The following SPMIP2 variants were observed in gnomAD, a reference collection of about 807,000 sequenced individuals.
SPMIP2 encodes protein SPMIP2.
At chr4:158,930,361 C>T in the SPMIP2 span, among the ~76,000 whole-genome samples, 1 of 152,076 alleles carries the variant, frequency 6.6e-6, no homozygotes, top group Non-Finnish European at 1.5e-5. Context: ...TACAGGTGCA[C>T]ACGACTTTGC....
At chr4:159,000,778 T>C in the SPMIP2 span, among the ~76,000 whole-genome samples, 1 of 145,194 alleles carries the variant, frequency 6.9e-6, no homozygotes, top group Non-Finnish European at 1.5e-5. Context: ...GAGCCACCGG[T>C]GCCTGGCTTG....
chr4:159,074,002 C>CT, the SPMIP2 span, among the ~76,000 whole-genome samples: 1 of 151,988 alleles, frequency 6.6e-6, no homozygotes, highest in Non-Finnish European at 1.5e-5. Context: ...GAGACTCTGT[C>CT]TCAAAAAACA....
chr4:158,924,382 T>G, the SPMIP2 span, among the ~76,000 whole-genome samples: 1 of 152,212 alleles, frequency 6.6e-6, no homozygotes, highest in South Asian at 2.1e-4. Context: ...GGTTTTTGTT[T>G]GTTTTTTGTT....
the SPMIP2 span, among the ~76,000 whole-genome samples, chr4:158,938,912 T>C: frequency 6.6e-6 from 1 of 152,208 alleles, no homozygotes; most frequent in Non-Finnish European, 1.5e-5. Context: ...TATTAGATCA[T>C]CTAGGGTCAT....
At chr4:158,939,322 T>C in the SPMIP2 span, among the ~76,000 whole-genome samples, 1 of 152,194 alleles carries the variant, frequency 6.6e-6, no homozygotes, top group Admixed American at 6.5e-5. Context: ...CAAAATAGTA[T>C]AAAGATCCAT....
the SPMIP2 span, among the ~76,000 whole-genome samples, chr4:158,910,291 G>C: frequency 7.1e-6 from 1 of 141,420 alleles, no homozygotes; most frequent in South Asian, 2.2e-4. Context: ...CTTTTTTTTT[G>C]AGATGGAGTT....
At chr4:159,051,030 C>G in the SPMIP2 span, among the ~76,000 whole-genome samples, 5 of 151,580 alleles carry the variant, frequency 3.3e-5, no homozygotes. Flanking sequence ...TCACCTGAAC[C>G]CAGGAGGCAG....
At chr4:158,995,855 C>CAA in the SPMIP2 span, among the ~76,000 whole-genome samples, 911 of 70,140 alleles carry the variant, frequency 0.013, 14 homozygotes, top group African/African-American at 0.039. Flanking sequence ...GACTCCATCT[C>CAA]AAAAAAAAAA....
the SPMIP2 span, among the ~76,000 whole-genome samples, chr4:159,082,432 A>G: frequency 6.9e-6 from 1 of 144,410 alleles, no homozygotes; most frequent in Non-Finnish European, 1.5e-5. Context: ...ATCTAAATCT[A>G]ACAATTCCAC....
chr4:159,066,527 T>A, the SPMIP2 span, among the ~76,000 whole-genome samples: 1 of 151,664 alleles, frequency 6.6e-6, no homozygotes, highest in South Asian at 2.1e-4. Context: ...TATATATGTA[T>A]GTATGTATAC....
At chr4:159,010,764 A>T in the SPMIP2 span, among the ~76,000 whole-genome samples, 6 of 152,114 alleles carry the variant, frequency 3.9e-5, no homozygotes, top group African/African-American at 1.2e-4. Flanking sequence ...CTCCGGGCAC[A>T]TCTCCAGTCT....
At chr4:158,948,608 A>G in the SPMIP2 span, among the ~76,000 whole-genome samples, 2 of 146,260 alleles carry the variant, frequency 1.4e-5, no homozygotes, top group South Asian at 2.1e-4. Flanking sequence ...TTTTTTTTCA[A>G]TTCACATTTG....
chr4:158,937,690 CACTG>C, the SPMIP2 span: 3 of 154,048 alleles, frequency 1.9e-5, no homozygotes, highest in Non-Finnish European at 2.9e-5. Context: ...ACTGAGCACA[CACTG>C]ACTATGTGTT....
chr4:158,905,213 A>AG, the SPMIP2 span: 5 of 152,428 alleles, frequency 3.3e-5, no homozygotes, highest in African/African-American at 1.2e-4. Context: ...AGCCATGGGT[A>AG]GGTCAGAGAT....
At chr4:159,006,935 C>T in the SPMIP2 span, among the ~76,000 whole-genome samples, 1 of 152,160 alleles carries the variant, frequency 6.6e-6, no homozygotes, top group Non-Finnish European at 1.5e-5. Context: ...TAGGATTGGT[C>T]AAGTTATTAC....
chr4:158,948,985 C>A, the SPMIP2 span, among the ~76,000 whole-genome samples: 4 of 152,072 alleles, frequency 2.6e-5, no homozygotes, highest in East Asian at 3.8e-4. Flanking sequence ...TTTTCTCTGA[C>A]CTTTTTCTGA....
At chr4:159,057,760 T>C in the SPMIP2 span, among the ~76,000 whole-genome samples, 1 of 151,008 alleles carries the variant, frequency 6.6e-6, no homozygotes, top group Non-Finnish European at 1.5e-5. Flanking sequence ...ATTTATAAAG[T>C]AATGTTATAC....
the SPMIP2 span, among the ~76,000 whole-genome samples, chr4:158,933,538 G>C: frequency 1.3e-5 from 2 of 152,022 alleles, no homozygotes; most frequent in Non-Finnish European, 2.9e-5. Context: ...CATTGTAATG[G>C]TTCTTACCCC....
the SPMIP2 span, among the ~76,000 whole-genome samples, chr4:158,975,168 A>AGTTT: frequency 2.5e-5 from 2 of 79,004 alleles, no homozygotes; most frequent in South Asian, 8.2e-4. Flanking sequence ...TTTTCTTGTG[A>AGTTT]CTTTAAGTTC....
Sources: gnomAD v4.1 joint callset for allele counts (sites outside exome capture counted in the v4.1 genomes callset) on GRCh38, gnomAD v4.1.1 for gene constraint, MANE v1.5 for transcripts, NCBI Gene and HGNC (gene_info 2026-07-23, HGNC 2026-07-21) for gene names.